NAALADL2: variants seen among roughly 807,000 people sequenced by gnomAD.
NAALADL2 encodes inactive N-acetylated-alpha-linked acidic dipeptidase-like protein 2.
A neutral mutation model predicts 87.2 loss-of-function variants in NAALADL2; 76 were observed. The ratio of observed to expected loss-of-function variants is 0.87; its 90% CI spans 0.72 to 1.05. The LOEUF is 1.05. Ranked by LOEUF, NAALADL2 falls within the 50% of genes least tolerant of loss-of-function variation. NAALADL2 has a pLI of 0.00. For missense variants in NAALADL2, 1,089 were observed against 945.8 expected, an observed-to-expected ratio of 1.15 and a Z score of -1.99; for synonymous variants, 354 against 331.0, an observed-to-expected ratio of 1.07 and a Z score of -0.75.
chr3:175,591,784 G>GTATATATATATATATATA (rs57196350), intron 10 of NAALADL2, among the ~76,000 whole-genome samples: 1 of 137,100 alleles, frequency 7.3e-6, no homozygotes. Context: ...GTGTGTGTGT[G>GTATATATATATATATATA]TATATATATA....
chr3:175,298,975 C>G (rs1581310376), intron 4 of NAALADL2, among the ~76,000 whole-genome samples: 1 of 152,076 alleles, frequency 6.6e-6, no homozygotes, highest in East Asian at 1.9e-4. Flanking sequence ...AATTTTGAAA[C>G]TAAGTTTTAA....
intron 2 of NAALADL2, among the ~76,000 whole-genome samples, chr3:175,214,740 T>C (rs1483776119): frequency 2.6e-5 from 4 of 152,288 alleles, no homozygotes; most frequent in African/African-American, 9.6e-5. Flanking sequence ...GTAACTTTAA[T>C]TGTGCCAATA....
At chr3:174,844,272 G>A (rs1724349738) in intron 3 of NAALADL2, among the ~76,000 whole-genome samples, 1 of 152,052 alleles carries the variant, frequency 6.6e-6, no homozygotes, top group Non-Finnish European at 1.5e-5. Flanking sequence ...TTGCCCTATT[G>A]GTACCTGTGT....
At chr3:175,547,137 C>T (rs1332227420) in intron 9 of NAALADL2, among the ~76,000 whole-genome samples, 4 of 152,014 alleles carry the variant, frequency 2.6e-5, no homozygotes, top group Non-Finnish European at 5.9e-5. Context: ...AAGAACAAAG[C>T]TGGAGGCATC....
intron 2 of NAALADL2, among the ~76,000 whole-genome samples, chr3:175,219,516 A>C (rs1743022888): frequency 6.6e-6 from 1 of 152,142 alleles, no homozygotes; most frequent in Non-Finnish European, 1.5e-5. Context: ...TAATGATTAT[A>C]GCTTTTTAAT....
chr3:175,263,798 A>G (rs1416570874), intron 4 of NAALADL2, among the ~76,000 whole-genome samples: 1 of 151,648 alleles, frequency 6.6e-6, no homozygotes, highest in African/African-American at 2.4e-5. Context: ...TCCCTTCTAT[A>G]CAGTTCGCCC....
intron 1 of NAALADL2, among the ~76,000 whole-genome samples, chr3:174,477,413 A>G (rs928859504): frequency 3.9e-5 from 6 of 152,070 alleles, no homozygotes; most frequent in African/African-American, 1.4e-4. Flanking sequence ...TACCTAACAT[A>G]TGCATCCCAG....
intron 1 of NAALADL2, among the ~76,000 whole-genome samples, chr3:174,448,284 A>C (rs182914441): frequency 1.9e-4 from 29 of 152,330 alleles, no homozygotes; most frequent in African/African-American, 6.5e-4. Context: ...ATGTGTGTGT[A>C]TAGTTCTGTG....
At chr3:175,788,381 G>GT (rs1308788940) in intron 13 of NAALADL2, among the ~76,000 whole-genome samples, 1 of 152,094 alleles carries the variant, frequency 6.6e-6, no homozygotes, top group East Asian at 1.9e-4. Flanking sequence ...GTGAGCCACT[G>GT]TGCCAAGCCA....
chr3:175,455,288 A>G (rs1394791995), intron 6 of NAALADL2, among the ~76,000 whole-genome samples: 3 of 152,088 alleles, frequency 2.0e-5, no homozygotes, highest in African/African-American at 4.8e-5. Context: ...TCTTAGAGGT[A>G]CTTCTCCTGG....
intron 3 of NAALADL2, among the ~76,000 whole-genome samples, chr3:174,769,018 T>C (rs1363616253): frequency 6.6e-6 from 1 of 151,958 alleles, no homozygotes; most frequent in South Asian, 2.1e-4. Context: ...ATGGTTAACA[T>C]TGATTTATTT....
chr3:175,156,741 C>A (rs997601672), intron 2 of NAALADL2, among the ~76,000 whole-genome samples: 1 of 152,060 alleles, frequency 6.6e-6, no homozygotes, highest in Admixed American at 6.6e-5. Context: ...CTTAGAACTT[C>A]TCATGGGATT....
chr3:174,903,985 TTCTATA>T lies in NAALADL2; in HGVS notation c.43+44557_43+44562del, dbSNP rs745581514. 9.1e-4 allele frequency among the ~76,000 whole-genome samples: 117 copies of T among 128,498 alleles called. 1 individual carries two copies. Among genetic ancestry groups the T allele is most frequent in the East Asian group, 1.8e-3 (9 of 5,010 alleles). The allele number at this position is 128,498 out of a possible 152,430, so 84.3% of individuals were successfully genotyped here. A position where few individuals can be genotyped will look rare whatever the true frequency, so the allele number is the denominator to read the frequency against. Reference sequence around the variant, plus strand: ...TATCTATATCTATATCTATATCTATTTCTATATCTATATCTATATCTATATCTGTAT... The same window carrying T: ...TATCTATATCTATATCTATATCTATTTCTATATCTATATCTATATCTGTAT... On this transcript the variant is annotated intron_variant, in intron 1 of 13. Coordinates refer to ENST00000454872, the MANE Select transcript of NAALADL2 (RefSeq NM_207015.3).
At chr3:175,786,059 C>T (rs1260017475) in intron 13 of NAALADL2, among the ~76,000 whole-genome samples, 10 of 151,956 alleles carry the variant, frequency 6.6e-5, no homozygotes, top group African/African-American at 2.4e-4. Flanking sequence ...AGGGTTTCTG[C>T]CGAGAGATCC....
intron 9 of NAALADL2, among the ~76,000 whole-genome samples, chr3:175,550,276 A>C (rs935596636): frequency 6.6e-6 from 1 of 152,092 alleles, no homozygotes; most frequent in Non-Finnish European, 1.5e-5. Context: ...GTGTACCTTA[A>C]TCTAAATAAA....
At chr3:175,413,567 C>CAAAAAAAAAAAAA (rs766955477) in intron 5 of NAALADL2, among the ~76,000 whole-genome samples, 1 of 132,588 alleles carries the variant, frequency 7.5e-6, no homozygotes, top group Non-Finnish European at 1.6e-5. Context: ...GAGACTCCAT[C>CAAAAAAAAAAAAA]AAAAAAAAAA....
At chr3:175,132,116 G>A (rs1728084624) in intron 2 of NAALADL2, among the ~76,000 whole-genome samples, 1 of 134,262 alleles carries the variant, frequency 7.4e-6, no homozygotes. Flanking sequence ...CCCGGATGGG[G>A]CGGCTGGCCG....
intron 1 of NAALADL2, among the ~76,000 whole-genome samples, chr3:174,999,497 G>T (rs1004807082): frequency 5.3e-5 from 8 of 151,994 alleles, no homozygotes; most frequent in African/African-American, 1.9e-4. Flanking sequence ...TATTTCTTAC[G>T]GTGCTTTTCA....
At chr3:175,691,794 A>G (rs1401067039) in intron 11 of NAALADL2, among the ~76,000 whole-genome samples, 2 of 152,088 alleles carry the variant, frequency 1.3e-5, no homozygotes, top group Admixed American at 1.3e-4. Context: ...TTATAACTTA[A>G]CCTTTTAAGG....
Sources: gnomAD v4.1 joint callset for allele counts (sites outside exome capture counted in the v4.1 genomes callset) on GRCh38, gnomAD v4.1.1 for gene constraint, MANE v1.5 for transcripts, NCBI Gene and HGNC (gene_info 2026-07-23, HGNC 2026-07-21) for gene names.